CNTN4: variants seen among roughly 807,000 people sequenced by gnomAD.
CNTN4 encodes the protein contactin 4, also known as contactin-4.
In CNTN4, 77 loss-of-function variants were observed where a neutral mutation model predicts 122.5. That is an observed-to-expected ratio of 0.63 (90% CI 0.52 to 0.76). The LOEUF is 0.76. CNTN4 is among the 30% of genes least tolerant of loss of function. CNTN4 has a pLI of 0.00. For synonymous variants in CNTN4, 512 were observed against 447.0 expected (o/e 1.15, Z -1.83); for missense variants, 1,256 against 1,259.1 (o/e 1.00, Z 0.04).
intron 4 of CNTN4, among the ~76,000 whole-genome samples, chr3:2,705,768 T>G (rs1347306316): frequency 2.9e-5 from 3 of 102,292 alleles, no homozygotes; most frequent in Non-Finnish European, 5.2e-5. Context: ...ATAATATATA[T>G]TTATTATATA....
chr3:2,302,445 A>C (rs181764362), intron 2 of CNTN4, among the ~76,000 whole-genome samples: 2 of 152,162 alleles, frequency 1.3e-5, no homozygotes, highest in African/African-American at 4.8e-5. Context: ...AAACAAACAG[A>C]CATCTTAGAA....
intron 4 of CNTN4, among the ~76,000 whole-genome samples, chr3:2,718,774 A>C (rs1402857968): frequency 1.3e-5 from 2 of 152,214 alleles, no homozygotes; most frequent in Non-Finnish European, 2.9e-5. Context: ...TATCTAGTTA[A>C]ATAGTTAATA....
intron 8 of CNTN4, among the ~76,000 whole-genome samples, chr3:2,871,890 G>A (rs4685573): frequency 0.92 from 139,598 of 152,274 alleles, 64,101 homozygotes; most frequent in East Asian, 0.97. Context: ...TGTGAGAACA[G>A]ATTTTATCAG....
At chr3:2,641,130 G>GT (rs966038182) in intron 4 of CNTN4, among the ~76,000 whole-genome samples, 1 of 152,018 alleles carries the variant, frequency 6.6e-6, no homozygotes, top group South Asian at 2.1e-4. Flanking sequence ...TCAACTGTAT[G>GT]TTTTTTTAAA....
At chr3:2,666,323 C>G (rs2084161225) in intron 4 of CNTN4, among the ~76,000 whole-genome samples, 1 of 151,964 alleles carries the variant, frequency 6.6e-6, no homozygotes, top group Admixed American at 6.6e-5. Flanking sequence ...TAGCTTAAGT[C>G]TTCATAGTCA....
intron 3 of CNTN4, among the ~76,000 whole-genome samples, chr3:2,546,323 C>T (rs958156552): frequency 7.8e-6 from 1 of 127,846 alleles, no homozygotes; most frequent in Non-Finnish European, 1.7e-5. Context: ...TACTATGCAG[C>T]CAAAAAAAAA....
At chr3:2,174,127 A>G (rs1371398749) in intron 2 of CNTN4, among the ~76,000 whole-genome samples, 1 of 152,062 alleles carries the variant, frequency 6.6e-6, no homozygotes, top group African/African-American at 2.4e-5. Flanking sequence ...ACATTCATTT[A>G]TTTTTACTTT....
At chr3:3,038,894 T>C in intron 18 of CNTN4, 39 bp from the exon 19 acceptor site, 2 of 1,594,572 alleles carry the variant, frequency 1.3e-6, no homozygotes, top group South Asian at 1.1e-5. Context: ...CATTCGCCTT[T>C]GCCGCCTGAC....
chr3:2,547,890 A>G (rs566900185), intron 3 of CNTN4, among the ~76,000 whole-genome samples: 2 of 152,136 alleles, frequency 1.3e-5, no homozygotes, highest in Non-Finnish European at 2.9e-5. Flanking sequence ...TCACAGAGAC[A>G]TGCGTATTAA....
Position 2,098,896 on chromosome 3 carries a change from A to C in CNTN4, c.-309A>C, listed in dbSNP as rs1281401123. 6.6e-6 allele frequency: 1 copy of C among 152,084 alleles called. No homozygotes were observed. Among genetic ancestry groups the C allele is most frequent in the Admixed American group, 6.5e-5 (1 of 15,278 alleles). 9.4% of individuals were successfully genotyped at this position (152,084 alleles called of 1,614,324 possible). ...ACGCCAGGATTGGCTGCAAGTAGGG[A>C]GCTTTCGCCGCCGCCCCGGGCCCCT... is the stretch of plus-strand genomic sequence containing the variant. On this transcript the variant is annotated 5_prime_UTR_variant, in exon 1 of 25. Coordinates refer to ENST00000418658, the MANE Select transcript of CNTN4 (RefSeq NM_175607.3).
intron 2 of CNTN4, among the ~76,000 whole-genome samples, chr3:2,119,100 T>C (rs2125185547): frequency 6.6e-6 from 1 of 152,324 alleles, no homozygotes; most frequent in East Asian, 1.9e-4. Flanking sequence ...GTGGGCCACA[T>C]TCAGTCAGCA....
intron 4 of CNTN4, among the ~76,000 whole-genome samples, chr3:2,576,191 G>A (rs1475989248): frequency 6.6e-6 from 1 of 152,134 alleles, no homozygotes; most frequent in Non-Finnish European, 1.5e-5. Flanking sequence ...GTTTATTTGG[G>A]TAGATATTTC....
intron 4 of CNTN4, among the ~76,000 whole-genome samples, chr3:2,647,117 A>G (rs895656347): frequency 1.3e-5 from 2 of 152,132 alleles, no homozygotes; most frequent in Admixed American, 1.3e-4. Flanking sequence ...ACGGTGGCTC[A>G]CACCTGTAAC....
chr3:3,001,446 T>C (rs1437676771), intron 14 of CNTN4, among the ~76,000 whole-genome samples: 1 of 152,216 alleles, frequency 6.6e-6, no homozygotes, highest in African/African-American at 2.4e-5. Flanking sequence ...TGTGTTTAAA[T>C]GTCAGCTATA....
At chr3:2,164,224 G>T (rs1299060116) in intron 2 of CNTN4, among the ~76,000 whole-genome samples, 5 of 151,668 alleles carry the variant, frequency 3.3e-5, no homozygotes, top group Non-Finnish European at 5.9e-5. Flanking sequence ...AAGAGAGATT[G>T]CTTGAGGAAA....
chr3:2,105,206 C>A (rs1223932742), intron 2 of CNTN4, among the ~76,000 whole-genome samples: 1 of 152,130 alleles, frequency 6.6e-6, no homozygotes, highest in African/African-American at 2.4e-5. Context: ...GCTGTCTTAA[C>A]ACCAAAAAGA....
chr3:2,555,582 G>A (rs977335513), intron 3 of CNTN4, among the ~76,000 whole-genome samples: 5 of 152,144 alleles, frequency 3.3e-5, no homozygotes, highest in Non-Finnish European at 5.9e-5. Flanking sequence ...ATCAGAGAAA[G>A]CTTTTAGCCT....
At chr3:2,908,832 TGGA>T (rs2094266460) in intron 12 of CNTN4, among the ~76,000 whole-genome samples, 1 of 152,298 alleles carries the variant, frequency 6.6e-6, no homozygotes, top group Non-Finnish European at 1.5e-5. Flanking sequence ...GACTGTATAA[TGGA>T]GGAGAAGTAG....
intron 2 of CNTN4, among the ~76,000 whole-genome samples, chr3:2,275,182 T>C (rs2041455400): frequency 6.6e-6 from 1 of 152,240 alleles, no homozygotes; most frequent in Non-Finnish European, 1.5e-5. Context: ...TGGTTAATTA[T>C]GAATATATCA....
Sources: gnomAD v4.1 joint callset for allele counts (sites outside exome capture counted in the v4.1 genomes callset) on GRCh38, gnomAD v4.1.1 for gene constraint, MANE v1.5 for transcripts, NCBI Gene and HGNC (gene_info 2026-07-23, HGNC 2026-07-21) for gene names.